Variants in DLC1 observed in about 807,000 individuals in gnomAD.
DLC1 encodes the protein DLC1 Rho GTPase activating protein, also known as rho GTPase-activating protein 7.
A neutral mutation model predicts 140.3 loss-of-function variants in DLC1; 54 were observed. The observed-to-expected ratio is 0.38, with a 90% confidence interval of 0.31 to 0.48. The LOEUF (loss-of-function observed/expected upper bound fraction) is 0.48. Ranked by LOEUF, DLC1 falls within the 20% of genes least tolerant of loss-of-function variation. DLC1 has a pLI of 0.96. For missense variants in DLC1, 2,536 were observed against 1,907.0 expected (o/e 1.33, Z -6.14); for synonymous variants, 986 against 728.1 (o/e 1.35, Z -5.70).
chr8:13,268,765 T>C (rs1830793284), intron 5 of DLC1, among the ~76,000 whole-genome samples: 1 of 152,092 alleles, frequency 6.6e-6, no homozygotes, highest in African/African-American at 2.4e-5. Context: ...AGGATACTCT[T>C]GGCTCCATGA....
chr8:13,118,343 T>C (rs928841044), intron 5 of DLC1, among the ~76,000 whole-genome samples: 4 of 152,202 alleles, frequency 2.6e-5, no homozygotes, highest in Non-Finnish European at 4.4e-5. Flanking sequence ...TAACAGTTTA[T>C]ACAATGGCTA....
intron 1 of DLC1, among the ~76,000 whole-genome samples, chr8:13,553,807 G>C (rs1471662079): frequency 6.6e-6 from 1 of 152,072 alleles, no homozygotes; most frequent in Non-Finnish European, 1.5e-5. Context: ...GGTCACCCAA[G>C]TCCTCCGCAT....
chr8:13,178,890 A>T (rs779972113), intron 5 of DLC1, among the ~76,000 whole-genome samples: 23 of 152,184 alleles, frequency 1.5e-4, no homozygotes, highest in Admixed American at 5.9e-4. Context: ...CAACTGTGAT[A>T]TGGCAATTCT....
intron 5 of DLC1, among the ~76,000 whole-genome samples, chr8:13,287,237 C>A (rs1423485681): frequency 6.6e-6 from 1 of 152,084 alleles, no homozygotes; most frequent in Non-Finnish European, 1.5e-5. Flanking sequence ...GTGGCCAATT[C>A]AATGTATGGC....
rs1318365387 is a variant in DLC1, at chr8:13,110,090, T to C, written c.1502+652A>G. Among the ~76,000 whole-genome samples the C allele has an allele frequency of 2.6e-5, 4 of 152,130 alleles. No homozygotes were observed. In the South Asian group the frequency reaches 6.2e-4, roughly 24 times the overall value. On this transcript the variant is annotated intron_variant, in intron 7 of 17. Coordinates refer to ENST00000276297, the MANE Select transcript of DLC1 (RefSeq NM_182643.3). ...AAACTTAAAATGAGTAGACATGTCT[T>C]GAAGAGCTTGAAAGGATTATCAGTG...
intron 5 of DLC1, among the ~76,000 whole-genome samples, chr8:13,199,037 T>C (rs1377943483): frequency 6.6e-6 from 1 of 152,068 alleles, no homozygotes. Flanking sequence ...TTTTGATCAC[T>C]GAGTTCCACA....
At chr8:13,093,873 T>G (rs1409813579) in intron 12 of DLC1, among the ~76,000 whole-genome samples, 1 of 152,234 alleles carries the variant, frequency 6.6e-6, no homozygotes, top group African/African-American at 2.4e-5. Context: ...AACACAAGGC[T>G]GTAAAAGCCA....
At chr8:13,286,668 TCA>T (rs1178112759) in intron 5 of DLC1, among the ~76,000 whole-genome samples, 2 of 151,176 alleles carry the variant, frequency 1.3e-5, no homozygotes, top group Non-Finnish European at 2.9e-5. Context: ...ATGTAAATTT[TCA>T]CAGTCTCTCT....
At chr8:13,541,337 A>C (rs1274641756) in intron 1 of DLC1, among the ~76,000 whole-genome samples, 3 of 151,248 alleles carry the variant, frequency 2.0e-5, no homozygotes, top group Non-Finnish European at 4.4e-5. Flanking sequence ...TTCCCAGGTT[A>C]TATGATAAGT....
chr8:13,535,214 G>A (rs1157766804), intron 1 of DLC1, among the ~76,000 whole-genome samples: 1 of 151,976 alleles, frequency 6.6e-6, no homozygotes, highest in African/African-American at 2.4e-5. Context: ...TCGGGACAAG[G>A]GTCTAAATAG....
intron 4 of DLC1, among the ~76,000 whole-genome samples, chr8:13,337,618 C>A: frequency 6.6e-6 from 1 of 151,990 alleles, no homozygotes; most frequent in Non-Finnish European, 1.5e-5. Context: ...GAGGATAAGA[C>A]AAAATTGTAG....
intron 1 of DLC1, among the ~76,000 whole-genome samples, chr8:13,510,171 CTTTT>C (rs5889447): frequency 9.8e-5 from 13 of 133,044 alleles, no homozygotes; most frequent in African/African-American, 3.6e-4. Flanking sequence ...ATTCTTTATT[CTTTT>C]TTTTTTTTTT....
chr8:13,386,933 T>C (rs1055559470), intron 4 of DLC1, among the ~76,000 whole-genome samples: 1 of 152,066 alleles, frequency 6.6e-6, no homozygotes, highest in Admixed American at 6.5e-5. Flanking sequence ...TACTTTAATG[T>C]GATTGCTTTG....
At chr8:13,090,209 C>G in intron 15 of DLC1, 43 bp downstream of exon 15, 1 of 1,576,244 alleles carries the variant, frequency 6.3e-7, no homozygotes, top group Non-Finnish European at 8.6e-7. Flanking sequence ...ACCCAAGCTT[C>G]GACTCCTGGA....
chr8:13,454,830 G>C (rs1355228781), intron 2 of DLC1, among the ~76,000 whole-genome samples: 1 of 152,170 alleles, frequency 6.6e-6, no homozygotes, highest in African/African-American at 2.4e-5. Context: ...CTGGGATTAG[G>C]GTGTGAGCCA....
At position 13,385,194 on chromosome 8, in the gene DLC1, C is replaced by T. The variant is rs574954251; in HGVS notation, c.1314+8359G>A. ...CATATTATAACTAATTTGGTAAATG[C>T]TTATCTAGTAAATTACTACAGTCCT... On this transcript the variant is annotated intron_variant, in intron 4 of 17. Coordinates refer to ENST00000276297, the MANE Select transcript of DLC1 (RefSeq NM_182643.3). Among the ~76,000 whole-genome samples, 4 of 152,170 alleles carry T rather than the reference C, an allele frequency of 2.6e-5. No homozygotes were observed. In the East Asian group the frequency reaches 5.8e-4, roughly 22 times the overall value.
intron 5 of DLC1, among the ~76,000 whole-genome samples, chr8:13,159,480 C>T (rs1277808983): frequency 1.3e-5 from 2 of 152,186 alleles, no homozygotes; most frequent in South Asian, 2.1e-4. Context: ...TTAGTGGGCT[C>T]TCCGGGCTCT....
At chr8:13,214,667 T>C (rs1376591546) in intron 5 of DLC1, 1 of 780,596 alleles carries the variant, frequency 1.3e-6, no homozygotes, top group Admixed American at 1.7e-5. Context: ...AAAAGCCTCT[T>C]CTGGGGAAAG....
intron 4 of DLC1, among the ~76,000 whole-genome samples, chr8:13,369,090 T>C (rs1421176538): frequency 6.6e-6 from 1 of 152,154 alleles, no homozygotes; most frequent in Non-Finnish European, 1.5e-5. Context: ...TGATGATGTT[T>C]AGAGAATAAG....
Sources: gnomAD v4.1 joint callset for allele counts (sites outside exome capture counted in the v4.1 genomes callset) on GRCh38, gnomAD v4.1.1 for gene constraint, MANE v1.5 for transcripts, NCBI Gene and HGNC (gene_info 2026-07-23, HGNC 2026-07-21) for gene names.